Variants in FZD3 observed in about 807,000 individuals in gnomAD.
The protein encoded by FZD3 is frizzled-3.
Under a neutral mutation model 60.7 loss-of-function variants are expected in FZD3, and 30 were observed. That is an observed-to-expected ratio of 0.49 (90% CI 0.37 to 0.67). The LOEUF (loss-of-function observed/expected upper bound fraction) is 0.67. Ranked by LOEUF, FZD3 falls within the 30% of genes least tolerant of loss-of-function variation. The pLI is 0.00. For missense variants in FZD3, 605 were observed against 838.7 expected, an observed-to-expected ratio of 0.72 and a Z score of 3.44; for synonymous variants, 246 against 275.2, an observed-to-expected ratio of 0.89 and a Z score of 1.05.
At chr8:28,513,286 A>G (rs1381250422) in intron 3 of FZD3, among the ~76,000 whole-genome samples, 3 of 152,206 alleles carry the variant, frequency 2.0e-5, no homozygotes, top group Non-Finnish European at 2.9e-5. Context: ...GACTTAATTC[A>G]GAACTGTCCA....
At chr8:28,521,360 T>C (rs916613681) in intron 4 of FZD3, among the ~76,000 whole-genome samples, 4 of 152,096 alleles carry the variant, frequency 2.6e-5, no homozygotes, top group African/African-American at 9.7e-5. Context: ...ATTCTTAAAG[T>C]TTCATTTAAG....
Position 28,571,716 on chromosome 8 carries a change from T to C in FZD3, c.*8705T>C, listed in dbSNP as rs1335918659. The C allele has an allele frequency of 6.6e-6, 1 of 152,212 alleles. No individual in the cohort carries two copies. The highest frequency in any genetic ancestry group is 1.5e-5 in the Non-Finnish European group (1 of 68,030). 9.4% of individuals were successfully genotyped at this position (152,212 alleles called of 1,614,324 possible). On this transcript the variant is annotated 3_prime_UTR_variant, in exon 8 of 8. Coordinates refer to ENST00000240093, the MANE Select transcript of FZD3 (RefSeq NM_017412.4). Reference sequence around the variant, plus strand: ...CATTGAAGTGTAAAAGTATCACATATATGAAGGAATGGCTGGTTTAGACAT... The same window carrying C: ...CATTGAAGTGTAAAAGTATCACATACATGAAGGAATGGCTGGTTTAGACAT...
intron 1 of FZD3, 87 bp from the exon 2 acceptor site, chr8:28,499,846 C>T (rs1236351453): frequency 6.6e-6 from 1 of 151,976 alleles, no homozygotes; most frequent in Non-Finnish European, 1.5e-5. Context: ...AAAATGTTAT[C>T]CCCTATCTGC....
rs146529267 is a variant in FZD3 at position 28,574,219 on chromosome 8, G to C, written c.*11208G>C. Reference sequence around the variant, plus strand: ...TTAAATGTAGTGGTTGTATATTTTGGTTATAAATTGGAGATTTTTAATAAA... The same window carrying C: ...TTAAATGTAGTGGTTGTATATTTTGCTTATAAATTGGAGATTTTTAATAAA... On this transcript the variant is annotated 3_prime_UTR_variant, in exon 8 of 8. Transcript: ENST00000240093. 6.6e-6 allele frequency: 1 copy of C among 152,092 alleles called. No individual in the cohort carries two copies. Among genetic ancestry groups the C allele is most frequent in the Non-Finnish European group, 1.5e-5 (1 of 67,986 alleles). 9.4% of individuals were successfully genotyped at this position (152,092 alleles called of 1,614,324 possible). A position where few individuals can be genotyped will look rare whatever the true frequency, so the allele number is the denominator to read the frequency against.
chr8:28,563,182 C>T lies in FZD3; in HGVS notation c.*171C>T, dbSNP rs1008205512. The T allele has an allele frequency of 1.3e-4, 77 of 584,930 alleles. No homozygotes were observed. The highest frequency in any genetic ancestry group is 2.3e-4 in the Non-Finnish European group (75 of 324,708). 36.2% of individuals were successfully genotyped at this position (584,930 alleles called of 1,614,324 possible). A position where few individuals can be genotyped will look rare whatever the true frequency, so the allele number is the denominator to read the frequency against. Reference sequence around the variant, plus strand: ...TTTTTATATTGCATCAAACTTGGAACATCAAGGCATCCAAAACACTAAGAA... The same window carrying T: ...TTTTTATATTGCATCAAACTTGGAATATCAAGGCATCCAAAACACTAAGAA... On this transcript the variant is annotated 3_prime_UTR_variant, in exon 8 of 8. Coordinates refer to ENST00000240093, the MANE Select transcript of FZD3 (RefSeq NM_017412.4).
At chr8:28,552,989 G>T (rs894945326) in intron 6 of FZD3, among the ~76,000 whole-genome samples, 2 of 152,156 alleles carry the variant, frequency 1.3e-5, no homozygotes, top group Non-Finnish European at 2.9e-5. Context: ...ATGATTTAAA[G>T]TATACAAGAG....
At chr8:28,540,776 G>A (rs1259858414) in intron 5 of FZD3, among the ~76,000 whole-genome samples, 1 of 151,918 alleles carries the variant, frequency 6.6e-6, no homozygotes, top group African/African-American at 2.4e-5. Flanking sequence ...GAAACCTTGT[G>A]TCTACTAAAA....
chr8:28,531,259 A>T (rs1488704308), intron 5 of FZD3, among the ~76,000 whole-genome samples: 1 of 152,134 alleles, frequency 6.6e-6, no homozygotes, highest in East Asian at 1.9e-4. Context: ...TTAAAAATGT[A>T]TATATGTGAG....
chr8:28,536,828 A>G (rs933818021), intron 5 of FZD3, among the ~76,000 whole-genome samples: 18 of 152,368 alleles, frequency 1.2e-4, no homozygotes, highest in Middle Eastern at 3.4e-3. Flanking sequence ...AAATAGCAGA[A>G]TAACATTAAA....
intron 1 of FZD3, among the ~76,000 whole-genome samples, chr8:28,494,601 G>T (rs1434374366): frequency 1.3e-5 from 2 of 152,010 alleles, no homozygotes; most frequent in East Asian, 1.9e-4. Flanking sequence ...CCTCGGGGAC[G>T]CCTAGTTTGA....
At chr8:28,560,708 C>T (rs779205731) in intron 7 of FZD3, among the ~76,000 whole-genome samples, 4 of 152,230 alleles carry the variant, frequency 2.6e-5, no homozygotes, top group Non-Finnish European at 4.4e-5. Context: ...GAGACAGATA[C>T]TTGGGAAGCC....
intron 3 of FZD3, among the ~76,000 whole-genome samples, chr8:28,508,007 T>C (rs1804186210): frequency 1.3e-5 from 2 of 152,260 alleles, no homozygotes; most frequent in Admixed American, 1.3e-4. Flanking sequence ...TCCCCCTACC[T>C]CAGCCTCCAA....
intron 5 of FZD3, among the ~76,000 whole-genome samples, chr8:28,540,994 T>C (rs1208542277): frequency 2.6e-5 from 4 of 152,186 alleles, no homozygotes; most frequent in Non-Finnish European, 4.4e-5. Flanking sequence ...AAATAAAAAC[T>C]AAACACTGTA....
chr8:28,540,104 A>G (rs1444176367), intron 5 of FZD3, among the ~76,000 whole-genome samples: 1 of 152,174 alleles, frequency 6.6e-6, no homozygotes. Context: ...AATGTAGGCT[A>G]TTTATAGCTA....
intron 5 of FZD3, among the ~76,000 whole-genome samples, chr8:28,537,854 C>T (rs563104149): frequency 3.3e-5 from 5 of 152,226 alleles, no homozygotes; most frequent in East Asian, 3.9e-4. Flanking sequence ...TGGTGGCTCA[C>T]GCCTGCGATC....
intron 3 of FZD3, among the ~76,000 whole-genome samples, chr8:28,518,310 G>A (rs576284518): frequency 2.0e-5 from 3 of 151,128 alleles, no homozygotes; most frequent in African/African-American, 4.9e-5. Flanking sequence ...CTCCTGCCTC[G>A]GCCTCTCAGA....
intron 5 of FZD3, among the ~76,000 whole-genome samples, chr8:28,535,932 A>G (rs182702026): frequency 1.3e-4 from 20 of 152,352 alleles, no homozygotes; most frequent in Admixed American, 6.5e-4. Context: ...ATATTCGTTA[A>G]AAATGTGGGC....
chr8:28,534,445 C>T (rs754081842), intron 5 of FZD3, among the ~76,000 whole-genome samples: 10 of 152,074 alleles, frequency 6.6e-5, no homozygotes, highest in African/African-American at 1.4e-4. Context: ...CCTAGCTACT[C>T]GGGAGGCTGA....
Position 28,567,404 on chromosome 8 carries a change from C to G in FZD3, c.*4393C>G, listed in dbSNP as rs1354586896. ...AAGTGATCTGCCCACCTCAGCCTCC[C>G]AAAGTGCTAGGATTACAGGCATGAG... On this transcript the variant is annotated 3_prime_UTR_variant, in exon 8 of 8. Transcript: ENST00000240093. 1 of 152,396 alleles carries G rather than the reference C, an allele frequency of 6.6e-6. No individual in the cohort carries two copies. The highest frequency in any genetic ancestry group is 1.9e-4 in the East Asian group (1 of 5,188). The allele number at this position is 152,396 out of a possible 1,614,324, so 9.4% of individuals were successfully genotyped here. A position where few individuals can be genotyped will look rare whatever the true frequency, so the allele number is the denominator to read the frequency against.
Sources: allele counts gnomAD v4.1 joint callset (sites outside exome capture counted in the v4.1 genomes callset), GRCh38; gene constraint gnomAD v4.1.1; transcripts MANE v1.5; gene names NCBI Gene and HGNC (gene_info 2026-07-23, HGNC 2026-07-21).